Variants in AGBL4 observed in about 807,000 individuals in gnomAD.
AGBL4 encodes the protein cytosolic carboxypeptidase 6.
AGBL4 carries 58 observed loss-of-function variants against 66.4 expected under a neutral mutation model. The observed-to-expected ratio is 0.87, with a 90% CI of 0.71 to 1.09. AGBL4 has a LOEUF of 1.09. AGBL4 is among the 50% of genes least tolerant of loss of function. AGBL4 has a pLI of 0.00. For missense variants in AGBL4, 579 were observed against 631.0 expected, an observed-to-expected ratio of 0.92 and a Z score of 0.88; for synonymous variants, 234 against 222.9, an observed-to-expected ratio of 1.05 and a Z score of -0.44.
intron 9 of AGBL4, 55 bp downstream of exon 9, chr1:48,634,438 C>T: frequency 7.0e-7 from 1 of 1,427,008 alleles, no homozygotes. Context: ...ACAATGCTGC[C>T]CTTTCCCAGA....
rs568185659 is a variant in AGBL4, at chr1:49,694,076, A to C, written c.282+3237T>G. Among the ~76,000 whole-genome samples, 4 of 152,294 alleles carry C rather than the reference A, an allele frequency of 2.6e-5. No individual in the cohort carries two copies. In the South Asian group the frequency reaches 8.3e-4, roughly 32 times the overall value. Reference sequence around the variant, plus strand: ...CAACGCAAAAGCTAGACCTGTTTATACAATATATTTGATGCTGCAATTTTT... The same window carrying C: ...CAACGCAAAAGCTAGACCTGTTTATCCAATATATTTGATGCTGCAATTTTT... On this transcript the variant is annotated intron_variant, in intron 3 of 13. Transcript: ENST00000371839.
At chr1:49,288,081 G>A (rs1477160902) in intron 3 of AGBL4, among the ~76,000 whole-genome samples, 10 of 141,318 alleles carry the variant, frequency 7.1e-5, no homozygotes, top group Admixed American at 2.8e-4. Context: ...GGATGAAATT[G>A]GAAAACATCA....
At chr1:48,534,780 T>C (rs2148251462) in intron 13 of AGBL4, 110 bp downstream of exon 13, 1 of 1,167,522 alleles carries the variant, frequency 8.6e-7, no homozygotes, top group Non-Finnish European at 1.2e-6. Flanking sequence ...CCACATTCAT[T>C]GAAGAGCCTT....
intron 2 of AGBL4, among the ~76,000 whole-genome samples, chr1:49,729,106 T>C (rs1001875659): frequency 6.6e-6 from 1 of 152,182 alleles, no homozygotes; most frequent in Non-Finnish European, 1.5e-5. Flanking sequence ...TTGTTAGAGA[T>C]ACATGTGAAT....
chr1:48,725,963 T>C (rs1420641114), intron 6 of AGBL4, among the ~76,000 whole-genome samples: 1 of 152,208 alleles, frequency 6.6e-6, no homozygotes, highest in African/African-American at 2.4e-5. Context: ...TTTTTATTTA[T>C]AGAGCCCTTT....
intron 6 of AGBL4, among the ~76,000 whole-genome samples, chr1:48,795,683 T>C (rs1051304214): frequency 6.6e-6 from 1 of 152,198 alleles, no homozygotes; most frequent in African/African-American, 2.4e-5. Context: ...GATGGAGTCT[T>C]GCTCCATTGT....
At chr1:49,097,483 C>T (rs901533706) in intron 4 of AGBL4, among the ~76,000 whole-genome samples, 1 of 152,142 alleles carries the variant, frequency 6.6e-6, no homozygotes, top group Non-Finnish European at 1.5e-5. Context: ...TTTAAAAAAA[C>T]CAGTGTTCTG....
intron 2 of AGBL4, among the ~76,000 whole-genome samples, chr1:49,744,662 C>A (rs532604977): frequency 5.9e-5 from 9 of 152,034 alleles, no homozygotes; most frequent in Non-Finnish European, 1.3e-4. Flanking sequence ...AAAGTATAAA[C>A]CTATTTTTGT....
intron 1 of AGBL4, among the ~76,000 whole-genome samples, chr1:49,855,469 T>A (rs1193981931): frequency 6.6e-6 from 1 of 152,162 alleles, no homozygotes; most frequent in African/African-American, 2.4e-5. Flanking sequence ...TATCAGCACA[T>A]GGAACAGTTT....
chr1:48,908,264 GGGTCATCCTGATTCAT>G (rs1383979812), intron 5 of AGBL4, among the ~76,000 whole-genome samples: 1 of 152,120 alleles, frequency 6.6e-6, no homozygotes, highest in African/African-American at 2.4e-5. Flanking sequence ...CACTCTCACA[GGGTCATCCTGATTCAT>G]GGCAAACTCT....
intron 5 of AGBL4, among the ~76,000 whole-genome samples, chr1:48,993,827 C>G (rs933646975): frequency 6.6e-6 from 1 of 152,150 alleles, no homozygotes; most frequent in Non-Finnish European, 1.5e-5. Flanking sequence ...CACTCTCCCT[C>G]CCTGAAGCAC....
chr1:49,737,251 C>T (rs1235975292), intron 2 of AGBL4, among the ~76,000 whole-genome samples: 2 of 152,150 alleles, frequency 1.3e-5, no homozygotes, highest in African/African-American at 4.8e-5. Flanking sequence ...TGTTGCTGCA[C>T]TATTCAAATA....
At chr1:49,506,756 GT>G (rs1277618691) in intron 3 of AGBL4, among the ~76,000 whole-genome samples, 3 of 152,052 alleles carry the variant, frequency 2.0e-5, no homozygotes, top group African/African-American at 7.2e-5. Flanking sequence ...GGAAATAATA[GT>G]TTACTTAATT....
At chr1:48,966,370 T>C (rs1200302436) in intron 5 of AGBL4, among the ~76,000 whole-genome samples, 1 of 152,186 alleles carries the variant, frequency 6.6e-6, no homozygotes, top group East Asian at 1.9e-4. Context: ...TATGTAGTTC[T>C]GCTAATGAAG....
At chr1:48,963,469 G>A (rs1054924267) in intron 5 of AGBL4, among the ~76,000 whole-genome samples, 17 of 151,230 alleles carry the variant, frequency 1.1e-4, no homozygotes, top group South Asian at 4.2e-4. Flanking sequence ...AGGCAGCAGC[G>A]TCAATGACAA....
At chr1:49,024,839 C>T (rs538473877) in intron 5 of AGBL4, among the ~76,000 whole-genome samples, 1 of 152,074 alleles carries the variant, frequency 6.6e-6, no homozygotes, top group African/African-American at 2.4e-5. Flanking sequence ...TCACAGAAAC[C>T]CTTAAGCTAA....
At chr1:49,939,224 C>T (rs1228392448) in intron 1 of AGBL4, among the ~76,000 whole-genome samples, 1 of 150,806 alleles carries the variant, frequency 6.6e-6, no homozygotes, top group South Asian at 2.1e-4. Context: ...AATGGAAGAA[C>T]ATTCCATGCT....
chr1:49,997,757 C>A (rs1374918494), intron 1 of AGBL4, among the ~76,000 whole-genome samples: 1 of 152,078 alleles, frequency 6.6e-6, no homozygotes, highest in East Asian at 1.9e-4. Flanking sequence ...AATATACATT[C>A]TATTAATCAG....
intron 2 of AGBL4, among the ~76,000 whole-genome samples, chr1:49,724,021 T>G (rs986383379): frequency 6.6e-6 from 1 of 152,032 alleles, no homozygotes; most frequent in Admixed American, 6.6e-5. Flanking sequence ...AGAGTAAGGG[T>G]AGAATAGGAA....
Sources: allele counts gnomAD v4.1 joint callset (sites outside exome capture counted in the v4.1 genomes callset), GRCh38; gene constraint gnomAD v4.1.1; transcripts MANE v1.5; gene names NCBI Gene and HGNC (gene_info 2026-07-23, HGNC 2026-07-21).